MACROD2: variants seen among roughly 807,000 people sequenced by gnomAD.
MACROD2 encodes the protein ADP-ribose glycohydrolase MACROD2.
MACROD2 carries 36 observed loss-of-function variants against 70.4 expected under a neutral mutation model. That is an observed-to-expected ratio of 0.51 (90% CI 0.39 to 0.68). The LOEUF (loss-of-function observed/expected upper bound fraction) is 0.68, where lower values mean the gene tolerates loss of function less well. Ranked by LOEUF, MACROD2 falls within the 30% of genes least tolerant of loss-of-function variation. MACROD2 has a pLI of 0.00. For synonymous variants in MACROD2, 172 were observed against 178.8 expected (o/e 0.96, Z 0.30); for missense variants, 496 against 538.4 (o/e 0.92, Z 0.78).
intron 5 of MACROD2, among the ~76,000 whole-genome samples, chr20:14,915,230 C>T (rs989339157): frequency 2.0e-5 from 3 of 152,124 alleles, no homozygotes; most frequent in Admixed American, 1.3e-4. Context: ...ATGGCTCTTA[C>T]GAGCGTGAGT....
intron 3 of MACROD2, among the ~76,000 whole-genome samples, chr20:14,298,157 C>T (rs2082442584): frequency 6.6e-6 from 1 of 151,844 alleles, no homozygotes; most frequent in Admixed American, 6.6e-5. Flanking sequence ...ACCTAGTCAC[C>T]CAAGAACTTT....
At chr20:14,127,605 T>C in intron 3 of MACROD2, 1 of 450,186 alleles carries the variant, frequency 2.2e-6, no homozygotes, top group Non-Finnish European at 4.2e-6. Context: ...GAAGTTGAAT[T>C]GAAACAAGAG....
intron 5 of MACROD2, among the ~76,000 whole-genome samples, chr20:14,963,761 A>G (rs2074605519): frequency 6.6e-6 from 1 of 152,164 alleles, no homozygotes; most frequent in Admixed American, 6.5e-5. Context: ...CTTCATGTAG[A>G]TTCATAATGA....
intron 5 of MACROD2, among the ~76,000 whole-genome samples, chr20:14,798,607 G>A (rs1223130547): frequency 6.6e-6 from 1 of 151,950 alleles, no homozygotes; most frequent in African/African-American, 2.4e-5. Flanking sequence ...ACTACATTAT[G>A]GACACACAGT....
chr20:14,099,376 T>C (rs908362611), intron 3 of MACROD2, among the ~76,000 whole-genome samples: 1 of 152,176 alleles, frequency 6.6e-6, no homozygotes, highest in African/African-American at 2.4e-5. Flanking sequence ...TCTTGACTTC[T>C]AGTAACGTGG....
chr20:14,653,253 C>G (rs1323408639), intron 4 of MACROD2, among the ~76,000 whole-genome samples: 1 of 146,394 alleles, frequency 6.8e-6, no homozygotes, highest in Non-Finnish European at 1.5e-5. Context: ...GAGTTTCGCT[C>G]TGTTGCCCAG....
At chr20:15,342,695 T>C (rs192896509) in intron 6 of MACROD2, among the ~76,000 whole-genome samples, 2 of 152,202 alleles carry the variant, frequency 1.3e-5, no homozygotes, top group Admixed American at 6.5e-5. Flanking sequence ...TACTGTAATA[T>C]AGTAAAAATG....
chr20:14,230,231 C>T (rs2081789054), intron 3 of MACROD2, among the ~76,000 whole-genome samples: 1 of 152,080 alleles, frequency 6.6e-6, no homozygotes, highest in East Asian at 1.9e-4. Context: ...TTCAATTTCT[C>T]TGTAGCACGG....
At chr20:15,323,084 C>G (rs1176812492) in intron 6 of MACROD2, among the ~76,000 whole-genome samples, 15 of 103,970 alleles carry the variant, frequency 1.4e-4, no homozygotes, top group Admixed American at 2.8e-4. Flanking sequence ...TTGATGTTGA[C>G]ATTCTGCCAT....
At chr20:14,984,990 C>G (rs183923464) in intron 5 of MACROD2, among the ~76,000 whole-genome samples, 1 of 152,176 alleles carries the variant, frequency 6.6e-6, no homozygotes, top group Non-Finnish European at 1.5e-5. Context: ...AGCAAGTCAC[C>G]TTTAAATGAG....
At chr20:15,799,514 G>A (rs766089826) in intron 8 of MACROD2, among the ~76,000 whole-genome samples, 5 of 152,028 alleles carry the variant, frequency 3.3e-5, no homozygotes, top group Non-Finnish European at 7.4e-5. Context: ...TAATTTTTTA[G>A]CTTCCACATA....
Position 15,449,421 on chromosome 20 carries a change from C to T in MACROD2, c.571+17986C>T, listed in dbSNP as rs145320526. Reference sequence around the variant, plus strand: ...TGCTTTTAATCATTAAAGTGAGATACGCACATGCTAAAAAACAGTAAAGCA... The same window carrying T: ...TGCTTTTAATCATTAAAGTGAGATATGCACATGCTAAAAAACAGTAAAGCA... On this transcript the variant is annotated intron_variant, in intron 7 of 17. Coordinates refer to ENST00000684519, the MANE Select transcript of MACROD2 (RefSeq NM_001351661.2). Among the ~76,000 whole-genome samples, 631 of 152,150 alleles carry T rather than the reference C, an allele frequency of 4.1e-3. 5 individuals are homozygous for T. Among genetic ancestry groups the T allele is most frequent in the African/African-American group, 0.014 (563 of 41,516 alleles).
At chr20:15,954,674 A>G (rs1004646562) in intron 12 of MACROD2, among the ~76,000 whole-genome samples, 6 of 152,300 alleles carry the variant, frequency 3.9e-5, no homozygotes, top group African/African-American at 7.2e-5. Context: ...CTTTTTTAAG[A>G]CATTATGCAA....
chr20:14,052,181 G>C (rs1225268761), intron 2 of MACROD2, among the ~76,000 whole-genome samples: 1 of 152,088 alleles, frequency 6.6e-6, no homozygotes, highest in East Asian at 1.9e-4. Flanking sequence ...AATTAGGAAA[G>C]AATATTAGTG....
At position 14,125,236 on chromosome 20, in the gene MACROD2, C is replaced by T. The variant is rs139352259; in HGVS notation, c.271+39508C>T. On this transcript the variant is annotated intron_variant, in intron 3 of 17. Transcript: ENST00000684519. ...TGAAACTAGATAAAGGTGGTGGTTG[C>T]ACAACATTTTGAATGTTCTACATAC... is the stretch of plus-strand genomic sequence containing the variant. Among the ~76,000 whole-genome samples, 440 of 152,208 alleles carry T rather than the reference C, an allele frequency of 2.9e-3. 4 individuals are homozygous for T. Among genetic ancestry groups the T allele is most frequent in the African/African-American group, 1.0e-2 (414 of 41,542 alleles).
chr20:14,995,756 T>C (rs2074943969), intron 5 of MACROD2, among the ~76,000 whole-genome samples: 1 of 152,106 alleles, frequency 6.6e-6, no homozygotes, highest in African/African-American at 2.4e-5. Flanking sequence ...ATAATGGACA[T>C]TATAAAGTAT....
chr20:15,408,982 A>G (rs980216620), intron 6 of MACROD2, among the ~76,000 whole-genome samples: 4 of 152,212 alleles, frequency 2.6e-5, no homozygotes, highest in African/African-American at 9.6e-5. Flanking sequence ...TAAAAGATTG[A>G]TATTAATGCA....
intron 8 of MACROD2, among the ~76,000 whole-genome samples, chr20:15,704,130 ATGTT>A (rs1028524080): frequency 2.7e-5 from 4 of 148,974 alleles, no homozygotes; most frequent in South Asian, 4.4e-4. Context: ...CCTATTTGAA[ATGTT>A]TGTTTGTTTA....
chr20:14,002,551 AC>A, intron 2 of MACROD2, 147 bp downstream of exon 2: 1 of 559,186 alleles, frequency 1.8e-6, no homozygotes, highest in East Asian at 3.0e-5. Context: ...GTTTTTAGTA[AC>A]CTACGGTGTT....
Sources: allele counts gnomAD v4.1 joint callset (sites outside exome capture counted in the v4.1 genomes callset), GRCh38; gene constraint gnomAD v4.1.1; transcripts MANE v1.5; gene names NCBI Gene and HGNC (gene_info 2026-07-23, HGNC 2026-07-21).